The following GAK variants were observed in gnomAD, a reference collection of about 807,000 sequenced individuals.
GAK encodes cyclin G associated kinase.
In GAK, 79 loss-of-function variants were observed where a neutral mutation model predicts 143.9. The ratio of observed to expected loss-of-function variants is 0.55; its 90% CI spans 0.46 to 0.66. GAK has a LOEUF of 0.66. Ranked by LOEUF, GAK falls within the 30% of genes least tolerant of loss-of-function variation. The probability of loss-of-function intolerance (pLI) is 0.00; values close to 1 mark genes in which losing one functional copy is unlikely to be tolerated. For synonymous variants in GAK, 881 were observed against 765.5 expected (o/e 1.15, Z -2.49); for missense variants, 1,693 against 1,779.7 (o/e 0.95, Z 0.88).
intron 24 of GAK, among the ~76,000 whole-genome samples, chr4:854,696 T>C (rs2152691117): frequency 6.6e-6 from 1 of 152,288 alleles, no homozygotes; most frequent in East Asian, 1.9e-4. Flanking sequence ...GGCTTCAGAG[T>C]AAGCCTCAAA....
intron 24 of GAK, among the ~76,000 whole-genome samples, chr4:856,226 AC>A (rs1749118874): frequency 8.1e-6 from 1 of 124,002 alleles, no homozygotes; most frequent in African/African-American, 3.0e-5. Flanking sequence ...ACAGCTGCTC[AC>A]CACCACAGCT....
intron 1 of GAK, among the ~76,000 whole-genome samples, chr4:929,945 T>C (rs1725404393): frequency 6.6e-6 from 1 of 152,250 alleles, no homozygotes; most frequent in African/African-American, 2.4e-5. Flanking sequence ...ATTCATTTAA[T>C]TACAGAAATA....
chr4:876,961 G>A, intron 17 of GAK, 129 bp downstream of exon 17: 1 of 655,428 alleles, frequency 1.5e-6, no homozygotes, highest in African/African-American at 1.8e-5. Context: ...CGCCACATGA[G>A]AGCCCACGGC....
At chr4:893,844 G>C (rs757169135) in intron 8 of GAK, 30 bp downstream of exon 8, 3 of 1,554,330 alleles carry the variant, frequency 1.9e-6, no homozygotes, top group East Asian at 4.6e-5. Flanking sequence ...CCAGGGTCCT[G>C]CCCCACGCAC....
chr4:859,787 C>T, intron 23 of GAK, 65 bp from the exon 24 acceptor site: 1 of 1,175,522 alleles, frequency 8.5e-7, no homozygotes, highest in Non-Finnish European at 1.2e-6. Flanking sequence ...CTCCTGGGAC[C>T]TCCGATGGCG....
intron 20 of GAK, among the ~76,000 whole-genome samples, chr4:867,828 C>T (rs1397451115): frequency 6.6e-6 from 1 of 152,330 alleles, no homozygotes; most frequent in African/African-American, 2.4e-5. Flanking sequence ...AGCTTCTGGG[C>T]GGGCGGTGGG....
chr4:856,554 CCACCACAGCTGCT>C (rs1428007288), intron 24 of GAK, among the ~76,000 whole-genome samples: 25 of 120,038 alleles, frequency 2.1e-4, no homozygotes, highest in African/African-American at 4.4e-4. Flanking sequence ...CACCTGCTCA[CCACCACAGCTGCT>C]CACCACAGCT....
At chr4:914,454 C>G (rs1418140569) in intron 1 of GAK, among the ~76,000 whole-genome samples, 1 of 95,444 alleles carries the variant, frequency 1.0e-5, no homozygotes, top group Non-Finnish European at 2.1e-5. Context: ...CCCACACACA[C>G]AGCCCCAGTG....
intron 4 of GAK, among the ~76,000 whole-genome samples, chr4:905,783 C>T (rs376961717): frequency 1.4e-4 from 21 of 152,362 alleles, no homozygotes; most frequent in East Asian, 1.4e-3. Flanking sequence ...CACCAGGCCA[C>T]GCTGCCTTTT....
chr4:884,185 G>C, intron 11 of GAK, 99 bp from the exon 12 acceptor site: 1 of 1,044,060 alleles, frequency 9.6e-7, no homozygotes, highest in East Asian at 2.4e-5. Flanking sequence ...AAGCCGTGGG[G>C]CTCTCACTGT....
chr4:889,498 AG>A (rs1162342736), intron 10 of GAK, among the ~76,000 whole-genome samples: 2 of 151,918 alleles, frequency 1.3e-5, no homozygotes, highest in Admixed American at 1.3e-4. Context: ...ACCGAGGCCC[AG>A]GCAGCACCGA....
intron 7 of GAK, 106 bp downstream of exon 7, chr4:896,354 G>T: frequency 1.3e-6 from 1 of 790,628 alleles, no homozygotes; most frequent in African/African-American, 1.7e-5. Context: ...AAGAGGGGGT[G>T]GAGGAGGCAG....
Position 914,289 on chromosome 4 carries a change from C to T in GAK, c.146-621G>A, listed in dbSNP as rs1338196903. ...CAGCGTGCACGGCCACACACACACA[C>T]AGCCCCAGAGTACAAGGCCCCACAC... is the stretch of plus-strand genomic sequence containing the variant. On this transcript the variant is annotated intron_variant, in intron 1 of 27. Coordinates refer to ENST00000314167, the MANE Select transcript of GAK (RefSeq NM_005255.4). Among the ~76,000 whole-genome samples the T allele has an allele frequency of 3.6e-4, 39 of 109,708 alleles. 1 individual carries two copies. The East Asian group carries it at 0.011, about 32-fold the overall frequency. 72.0% of individuals were successfully genotyped at this position (109,708 alleles called of 152,430 possible). A position where few individuals can be genotyped will look rare whatever the true frequency, so the allele number is the denominator to read the frequency against.
intron 20 of GAK, 78 bp downstream of exon 20, chr4:868,461 C>A: frequency 2.0e-6 from 3 of 1,509,888 alleles, no homozygotes; most frequent in Non-Finnish European, 2.7e-6. Flanking sequence ...TCTCCCAAGA[C>A]GCTTGCCCTG....
Position 932,308 on chromosome 4 carries a change from G to A in GAK, c.-121C>T. 1.5e-6 allele frequency: 2 copies of A among 1,378,022 alleles called. No homozygotes were observed. The highest frequency in any genetic ancestry group is 1.9e-6 in the Non-Finnish European group (2 of 1,072,934). The allele number at this position is 1,378,022 out of a possible 1,614,324, so 85.4% of individuals were successfully genotyped here. ...GAGGTGCACCATCTTCCGCCTCGAC[G>A]CCGTGACGTAGGCGCCCGTGAGGAC... On this transcript the variant is annotated 5_prime_UTR_variant, in exon 1 of 28. Coordinates refer to ENST00000314167, the MANE Select transcript of GAK (RefSeq NM_005255.4). This position sits in a 1 kb window ranked among gnomAD's most constrained non-coding sequence, Gnocchi z 4.0.
At position 895,269 on chromosome 4, in the gene GAK, C is replaced by T. The variant is rs1414066728; in HGVS notation, c.741+1191G>A. Among the ~76,000 whole-genome samples, 5 of 152,236 alleles carry T rather than the reference C, an allele frequency of 3.3e-5. No individual in the cohort carries two copies. In the East Asian group the frequency reaches 7.7e-4, roughly 23 times the overall value. On this transcript the variant is annotated intron_variant, in intron 7 of 27. Coordinates refer to ENST00000314167, the MANE Select transcript of GAK (RefSeq NM_005255.4). ...ACTGGCCTTGAACAATCAGCGACTT[C>T]TCGTCAATCACCCAATATGTGAGCC...
At position 882,107 on chromosome 4, in the gene GAK, C is replaced by T. The variant is rs558446045; in HGVS notation, c.1528-67G>A. On this transcript the variant is annotated intron_variant, in intron 14 of 27. Coordinates refer to ENST00000314167, the MANE Select transcript of GAK (RefSeq NM_005255.4). ...GCAGGACAAGGGCTCGCGGGGTCCT[C>T]GGGCATCCTACCCACCCTGTGGCTG... The T allele has an allele frequency of 3.1e-5, 47 of 1,501,258 alleles. No individual in the cohort carries two copies. The Middle Eastern group carries it at 3.4e-3, about 108-fold the overall frequency. The allele number at this position is 1,501,258 out of a possible 1,614,324, so 93.0% of individuals were successfully genotyped here.
chr4:854,450 C>T (rs973273638), intron 24 of GAK, among the ~76,000 whole-genome samples: 13 of 152,154 alleles, frequency 8.5e-5, no homozygotes, highest in African/African-American at 2.9e-4. Context: ...GGCGAGTCTA[C>T]GAACTCTGCC....
chr4:918,736 A>G (rs1368434319), intron 1 of GAK, among the ~76,000 whole-genome samples: 1 of 152,298 alleles, frequency 6.6e-6, no homozygotes, highest in Non-Finnish European at 1.5e-5. Context: ...ATGACTGGAA[A>G]GACAGAAGGC....
Sources: gnomAD v4.1 joint callset for allele counts (sites outside exome capture counted in the v4.1 genomes callset) on GRCh38, gnomAD v4.1.1 for gene constraint, Gnocchi (gnomAD v3.1) non-coding constraint, MANE v1.5 for transcripts, NCBI Gene and HGNC (gene_info 2026-07-23, HGNC 2026-07-21) for gene names.